Variants in DOCK5 observed in about 807,000 individuals in gnomAD.
DOCK5 encodes the protein dedicator of cytokinesis protein 5.
A neutral mutation model predicts 251.8 loss-of-function variants in DOCK5; 142 were observed. That is an observed-to-expected ratio of 0.56 (90% CI 0.49 to 0.65). The LOEUF is 0.65. Ranked by LOEUF, DOCK5 falls within the 30% of genes least tolerant of loss-of-function variation. The probability of loss-of-function intolerance (pLI) is 0.00; values close to 1 mark genes in which losing one functional copy is unlikely to be tolerated. For synonymous variants in DOCK5, 842 were observed against 835.5 expected, an observed-to-expected ratio of 1.01 and a Z score of -0.13; for missense variants, 2,111 against 2,312.3, an observed-to-expected ratio of 0.91 and a Z score of 1.79.
chr8:25,399,645 ATTAT>A (rs1162995924), intron 45 of DOCK5, among the ~76,000 whole-genome samples: 3 of 152,058 alleles, frequency 2.0e-5, no homozygotes, highest in Admixed American at 2.0e-4. Flanking sequence ...GTTGATGATG[ATTAT>A]TTGATTAGTG....
intron 5 of DOCK5, 99 bp downstream of exon 5, chr8:25,278,764 A>G: frequency 9.5e-7 from 1 of 1,048,084 alleles, no homozygotes; most frequent in Non-Finnish European, 1.4e-6. Flanking sequence ...GACTTCATGG[A>G]GTGGGATGCA....
intron 5 of DOCK5, among the ~76,000 whole-genome samples, chr8:25,281,503 C>G (rs1173768110): frequency 6.7e-6 from 1 of 149,668 alleles, no homozygotes; most frequent in Non-Finnish European, 1.5e-5. Flanking sequence ...CTGCCAAAAT[C>G]TCTTAGTAGT....
chr8:25,291,105 A>G (rs188872270), intron 5 of DOCK5, among the ~76,000 whole-genome samples: 19 of 152,264 alleles, frequency 1.2e-4, no homozygotes, highest in African/African-American at 4.3e-4. Flanking sequence ...AATGTGTGGA[A>G]GAGTCAAGAT....
intron 12 of DOCK5, among the ~76,000 whole-genome samples, chr8:25,309,182 C>G (rs1051750209): frequency 1.3e-5 from 2 of 151,944 alleles, no homozygotes; most frequent in Non-Finnish European, 2.9e-5. Flanking sequence ...ACTCTTTATT[C>G]ATTTATTTAT....
chr8:25,239,341 A>ATGTGTGTGTGTGTGTGTGTGTG (rs55869213), intron 1 of DOCK5, among the ~76,000 whole-genome samples: 3 of 142,288 alleles, frequency 2.1e-5, no homozygotes, highest in African/African-American at 5.4e-5. Flanking sequence ...GTGTGTGTGT[A>ATGTGTGTGTGTGTGTGTGTGTG]TGTGTGTGTG....
Position 25,364,650 on chromosome 8 carries a change from G to T in DOCK5, c.3069G>T (p.Gln1023His), listed in dbSNP as rs1586365056. 1.2e-6 allele frequency: 2 copies of T among 1,601,084 alleles called. No homozygotes were observed. The highest frequency in any genetic ancestry group is 1.7e-6 in the Non-Finnish European group (2 of 1,172,424). Residue 1023 changes from glutamine (Q) to histidine (H), a missense_variant, in exon 30 of 52, where the codon CAG (glutamine) becomes CAT (histidine). Around this residue, in one of 3 missense-constraint regions of DOCK5, gnomAD observed 1,717 missense variants for 1,892.4 expected, o/e 0.91. Coordinates refer to ENST00000276440, the MANE Select transcript of DOCK5 (RefSeq NM_024940.8). ...GGGTTTTTCTCCGTGCTATAAATCA[G>T]TTTGCTGAAGTTCTCACAAGATTCT... Reference protein sequence around the residue: ...QNRVFLRAINQFAEVLTRFFM... With the variant: ...QNRVFLRAINHFAEVLTRFFM...
At chr8:25,406,696 C>T (rs932466437) in intron 48 of DOCK5, among the ~76,000 whole-genome samples, 10 of 151,924 alleles carry the variant, frequency 6.6e-5, no homozygotes, top group East Asian at 5.8e-4. Flanking sequence ...GGTGCAATCT[C>T]GGCTCGCTGC....
chr8:25,195,405 T>A (rs972559735), intron 1 of DOCK5, among the ~76,000 whole-genome samples: 2 of 152,168 alleles, frequency 1.3e-5, no homozygotes, highest in Admixed American at 6.5e-5. Flanking sequence ...AGGAACTTTT[T>A]AAAGGCAAGA....
At chr8:25,225,141 T>C (rs991801833) in intron 1 of DOCK5, among the ~76,000 whole-genome samples, 28 of 152,214 alleles carry the variant, frequency 1.8e-4, no homozygotes, top group African/African-American at 6.5e-4. Context: ...TCTTGTGCTC[T>C]GCTGGTGGGA....
chr8:25,217,526 G>A (rs945804227), intron 1 of DOCK5, among the ~76,000 whole-genome samples: 34 of 152,116 alleles, frequency 2.2e-4, no homozygotes, highest in Admixed American at 2.0e-3. Flanking sequence ...TACCAGCAAC[G>A]CATGTGCCAG....
chr8:25,302,490 G>T, intron 10 of DOCK5, 36 bp downstream of exon 10: 1 of 1,493,468 alleles, frequency 6.7e-7, no homozygotes, highest in Non-Finnish European at 9.0e-7. Flanking sequence ...GTGAAATAGT[G>T]CAGTGCTGTG....
intron 20 of DOCK5, 105 bp downstream of exon 20, chr8:25,332,797 T>G (rs772911202): frequency 2.7e-4 from 219 of 823,760 alleles, no homozygotes; most frequent in Non-Finnish European, 3.5e-4. Context: ...CATAAATATT[T>G]GTTTACATCT....
At chr8:25,388,420 C>A (rs1343734849) in intron 40 of DOCK5, among the ~76,000 whole-genome samples, 1 of 152,052 alleles carries the variant, frequency 6.6e-6, no homozygotes, top group African/African-American at 2.4e-5. Context: ...TACTCCCATG[C>A]CTGGGGCCTA....
rs763319903 is a variant in DOCK5 at position 25,342,396 on chromosome 8, C to T, written c.2511-5C>T. The T allele has an allele frequency of 6.3e-7, 1 of 1,578,474 alleles. No individual in the cohort carries two copies. Among genetic ancestry groups the T allele is most frequent in the Non-Finnish European group, 8.6e-7 (1 of 1,159,790 alleles). ...ACACTACTAACCCTGAGGTTTCTCTCCCAGCGTGCTCTTCTGCAAATTCAT... is the reference window on the plus strand; with the variant it reads ...ACACTACTAACCCTGAGGTTTCTCTTCCAGCGTGCTCTTCTGCAAATTCAT... On this transcript the variant is annotated splice_region_variant and splice_polypyrimidine_tract_variant and intron_variant, in intron 24 of 51. Transcript: ENST00000276440.
intron 28 of DOCK5, among the ~76,000 whole-genome samples, chr8:25,362,754 A>G (rs753709766): frequency 6.6e-6 from 1 of 151,948 alleles, no homozygotes; most frequent in East Asian, 1.9e-4. Context: ...CCTACTTTCT[A>G]TGCCCTTAAG....
At chr8:25,320,125 C>T (rs138561670) in intron 15 of DOCK5, among the ~76,000 whole-genome samples, 6 of 152,278 alleles carry the variant, frequency 3.9e-5, no homozygotes, top group African/African-American at 9.6e-5. Context: ...GGTGTTGTAA[C>T]GCCATCTTTC....
In DOCK5 at chr8:25,403,641, G is replaced by T. The variant is rs1328477729; in HGVS notation, c.5010G>T (p.Leu1670Phe). ...PYIMSSTLRRLSITSVTSSVV... is the reference protein window; with the variant it reads ...PYIMSSTLRRFSITSVTSSVV... ...TCATGTCTTCCACTCTGCGGAGGTTGTCCATCACCTCAGTCACTTCCTCTG... is the reference window on the plus strand; with the variant it reads ...TCATGTCTTCCACTCTGCGGAGGTTTTCCATCACCTCAGTCACTTCCTCTG... Residue 1670 changes from leucine to phenylalanine, a missense_variant, in exon 48 of 52, where the codon TTG becomes TTT. By Grantham distance (22) the Leu-to-Phe change is conservative. This residue lies in a region of DOCK5 where 1,717 missense variants were observed against 1,892.4 expected (regional missense o/e 0.91). Transcript: ENST00000276440. 3 of 1,613,972 alleles carry T rather than the reference G, an allele frequency of 1.9e-6. No individual in the cohort carries two copies. In the Admixed American group the frequency reaches 5.0e-5, roughly 27 times the overall value.
chr8:25,296,570 C>A lies in DOCK5; in HGVS notation c.528C>A (p.Asp176Glu), dbSNP rs34576741. ...ACAATGGGAACATCCTAGACCCTGA[C>A]GAAACCAGCACCATTGCCCTCTTCA... Reference protein sequence around the residue: ...RDDNGNILDPDETSTIALFKA... With the variant: ...RDDNGNILDPEETSTIALFKA... The change falls in exon 7 of 52, where the codon GAC (aspartate) becomes GAA (glutamate). Residue 176 changes from aspartate to glutamate, a missense_variant. Coordinates refer to ENST00000276440, the MANE Select transcript of DOCK5 (RefSeq NM_024940.8). The A allele has an allele frequency of 1.2e-6, 2 of 1,612,262 alleles. No homozygotes were observed. The highest frequency in any genetic ancestry group is 1.7e-6 in the Non-Finnish European group (2 of 1,179,186).
intron 4 of DOCK5, among the ~76,000 whole-genome samples, chr8:25,275,833 C>A (rs1192037988): frequency 6.6e-6 from 1 of 151,214 alleles, no homozygotes. Flanking sequence ...AAGACTCTCT[C>A]TCAAAAAAAA....
Sources: allele counts gnomAD v4.1 joint callset (sites outside exome capture counted in the v4.1 genomes callset), GRCh38; gene constraint gnomAD v4.1.1; regional missense constraint gnomAD v4.1.1; transcripts MANE v1.5; gene names NCBI Gene and HGNC (gene_info 2026-07-23, HGNC 2026-07-21).